The following COL14A1 variants were observed in gnomAD, a reference collection of about 807,000 sequenced individuals.
The protein encoded by COL14A1 is collagen alpha-1(XIV) chain.
A neutral mutation model predicts 230.3 loss-of-function variants in COL14A1; 136 were observed. The ratio of observed to expected loss-of-function variants is 0.59; its 90% CI spans 0.51 to 0.68. COL14A1 has a LOEUF of 0.68. Ranked by LOEUF, COL14A1 falls within the 30% of genes least tolerant of loss-of-function variation. The probability of loss-of-function intolerance (pLI) is 0.00; values close to 1 mark genes in which losing one functional copy is unlikely to be tolerated. For missense variants in COL14A1, 1,976 were observed against 2,215.8 expected (o/e 0.89, Z 2.17); for synonymous variants, 792 against 784.1 (o/e 1.01, Z -0.17).
At chr8:120,305,581 A>C (rs1005556279) in intron 36 of COL14A1, among the ~76,000 whole-genome samples, 2 of 152,134 alleles carry the variant, frequency 1.3e-5, no homozygotes, top group African/African-American at 4.8e-5. Context: ...TTTGCTTTTA[A>C]TCCAGTTTTA....
chr8:120,356,015 C>T (rs183962842), intron 45 of COL14A1, among the ~76,000 whole-genome samples: 2 of 152,170 alleles, frequency 1.3e-5, no homozygotes, highest in Non-Finnish European at 2.9e-5. Context: ...GTCCTGTACA[C>T]ACTACCTCAT....
chr8:120,365,484 T>C (rs182919929), intron 45 of COL14A1, among the ~76,000 whole-genome samples: 19 of 152,290 alleles, frequency 1.2e-4, no homozygotes, highest in East Asian at 5.8e-4. Context: ...CGGATGCACA[T>C]TGGGGCATAA....
intron 19 of COL14A1, among the ~76,000 whole-genome samples, chr8:120,233,118 G>GT (rs1352557119): frequency 2.6e-5 from 4 of 151,942 alleles, no homozygotes; most frequent in Non-Finnish European, 5.9e-5. Flanking sequence ...GGAGTTGTTT[G>GT]TTTTTTTCTT....
intron 14 of COL14A1, among the ~76,000 whole-genome samples, chr8:120,217,630 T>C (rs1586775389): frequency 6.6e-6 from 1 of 152,172 alleles, no homozygotes; most frequent in East Asian, 1.9e-4. Context: ...AGAAATACTG[T>C]TCAATATCCT....
chr8:120,199,617 A>T, intron 8 of COL14A1, 51 bp downstream of exon 8: 1 of 1,537,332 alleles, frequency 6.5e-7, no homozygotes, highest in Non-Finnish European at 8.8e-7. Context: ...ACCCACAACC[A>T]CTTAAAACAA....
chr8:120,306,650 GT>G (rs1820866464), intron 36 of COL14A1, among the ~76,000 whole-genome samples: 1 of 152,146 alleles, frequency 6.6e-6, no homozygotes, highest in South Asian at 2.1e-4. Context: ...GAAAAAATGA[GT>G]GTTTTCGTCA....
chr8:120,192,812 A>T (rs1424430171), intron 5 of COL14A1, among the ~76,000 whole-genome samples: 2 of 151,960 alleles, frequency 1.3e-5, no homozygotes, highest in African/African-American at 4.8e-5. Context: ...TCCATCACTG[A>T]TACCCTTTCT....
chr8:120,286,832 A>G (rs1017078003), intron 33 of COL14A1, among the ~76,000 whole-genome samples: 6 of 152,178 alleles, frequency 3.9e-5, no homozygotes, highest in Non-Finnish European at 8.8e-5. Context: ...TTAATAACTC[A>G]GCACTTGTGG....
chr8:120,163,511 C>T (rs1815761597), intron 4 of COL14A1, among the ~76,000 whole-genome samples: 1 of 152,136 alleles, frequency 6.6e-6, no homozygotes, highest in Non-Finnish European at 1.5e-5. Flanking sequence ...TGCCTGTAAT[C>T]CCAGCACTTT....
intron 45 of COL14A1, among the ~76,000 whole-genome samples, chr8:120,354,749 G>T (rs1410944441): frequency 6.6e-6 from 1 of 152,058 alleles, no homozygotes; most frequent in African/African-American, 2.4e-5. Flanking sequence ...GGCTAATGTT[G>T]TTCAAGTTTT....
At chr8:120,239,296 C>G (rs1470487897) in intron 19 of COL14A1, among the ~76,000 whole-genome samples, 1 of 152,200 alleles carries the variant, frequency 6.6e-6, no homozygotes, top group Non-Finnish European at 1.5e-5. Context: ...TTCTTGCCCT[C>G]TGCTGCATTA....
intron 5 of COL14A1, among the ~76,000 whole-genome samples, chr8:120,195,084 A>C (rs1176936756): frequency 6.6e-6 from 1 of 152,174 alleles, no homozygotes; most frequent in Non-Finnish European, 1.5e-5. Context: ...ATATTGGAGT[A>C]TTTCATTGGC....
At chr8:120,198,454 A>G (rs1280932945) in intron 7 of COL14A1, among the ~76,000 whole-genome samples, 3 of 152,154 alleles carry the variant, frequency 2.0e-5, no homozygotes, top group Non-Finnish European at 4.4e-5. Context: ...TATTTACATT[A>G]TAATCATCCA....
rs1157946333 is a variant in COL14A1 at position 120,278,548 on chromosome 8, A to T, written c.3451A>T (p.Asn1151Tyr). The change falls in exon 28 of 48, where the codon AAC becomes TAC. Residue 1151 changes from asparagine (N) to tyrosine (Y), a missense_variant. Transcript: ENST00000297848. ...TGATGGAAGATCACAAGATGATGTG[A>T]ACAAAATCTCCAGGGAGATGCAATT... is the stretch of plus-strand genomic sequence containing the variant. Reference protein sequence around the residue: ...ITDGRSQDDVNKISREMQLDG... With the variant: ...ITDGRSQDDVYKISREMQLDG... 1.2e-6 allele frequency: 2 copies of T among 1,612,978 alleles called. No individual in the cohort carries two copies. Among genetic ancestry groups the T allele is most frequent in the Non-Finnish European group, 8.5e-7 (1 of 1,179,376 alleles).
rs1820107107 is a variant in COL14A1, at chr8:120,283,643, C to A, written c.3832C>A (p.His1278Asn). The change falls in exon 32 of 48, where the codon CAC (histidine) becomes AAC (asparagine). Residue 1278 changes from histidine to asparagine, a missense_variant. Coordinates refer to ENST00000297848, the MANE Select transcript of COL14A1 (RefSeq NM_021110.4). ...ALVSQPTRYL[H>N]PEGLPSDYTI... ...TTTTCTTTCTATGTTCAGGTACTTG[C>A]ACCCAGAAGGATTGCCCTCCGACTA... is the stretch of plus-strand genomic sequence containing the variant. 2 of 1,608,186 alleles carry A rather than the reference C, an allele frequency of 1.2e-6. No individual in the cohort carries two copies. The highest frequency in any genetic ancestry group is 1.1e-5 in the South Asian group (1 of 89,550).
At chr8:120,354,210 G>A (rs1374905844) in intron 45 of COL14A1, among the ~76,000 whole-genome samples, 16 of 108,252 alleles carry the variant, frequency 1.5e-4, no homozygotes, top group Non-Finnish European at 2.7e-4. Flanking sequence ...ATGGACACAG[G>A]AAGGGGAATA....
intron 5 of COL14A1, among the ~76,000 whole-genome samples, chr8:120,178,407 C>T (rs1318930871): frequency 6.6e-6 from 1 of 152,188 alleles, no homozygotes; most frequent in East Asian, 1.9e-4. Context: ...GACATGAACT[C>T]ATTCTTTTTT....
At chr8:120,341,127 G>C (rs1822279697) in intron 42 of COL14A1, among the ~76,000 whole-genome samples, 198 bp from the exon 43 acceptor site, 1 of 152,080 alleles carries the variant, frequency 6.6e-6, no homozygotes, top group South Asian at 2.1e-4. Context: ...AAGCTGAAAG[G>C]GTAGAATGCT....
intron 45 of COL14A1, among the ~76,000 whole-genome samples, chr8:120,356,341 G>A (rs1586894403): frequency 3.3e-5 from 5 of 152,238 alleles, no homozygotes; most frequent in East Asian, 3.8e-4. Flanking sequence ...TGGAACAATA[G>A]GGGTCTAGAA....
Sources: allele counts gnomAD v4.1 joint callset (sites outside exome capture counted in the v4.1 genomes callset), GRCh38; gene constraint gnomAD v4.1.1; transcripts MANE v1.5; gene names NCBI Gene and HGNC (gene_info 2026-07-23, HGNC 2026-07-21).